ERCC4: variants seen among roughly 807,000 people sequenced by gnomAD.
The protein encoded by ERCC4 is DNA repair endonuclease XPF.
A neutral mutation model predicts 76.9 loss-of-function variants in ERCC4; 65 were observed. The ratio of observed to expected loss-of-function variants is 0.84; its 90% CI spans 0.69 to 1.04. ERCC4 has a LOEUF of 1.04. ERCC4 is among the 50% of genes least tolerant of loss of function. ERCC4 has a pLI of 0.00. For synonymous variants in ERCC4, 463 were observed against 410.1 expected (o/e 1.13, Z -1.56); for missense variants, 1,214 against 1,128.2 (o/e 1.08, Z -1.09).
chr16:13,925,411 T>C (rs1238119773), intron 2 of ERCC4, among the ~76,000 whole-genome samples: 1 of 152,212 alleles, frequency 6.6e-6, no homozygotes, highest in East Asian at 1.9e-4. Context: ...AGTAGTAAAT[T>C]AGTTATGTAC....
At chr16:13,941,699 T>A (rs1268836527) in intron 9 of ERCC4, among the ~76,000 whole-genome samples, 1 of 152,198 alleles carries the variant, frequency 6.6e-6, no homozygotes, top group Non-Finnish European at 1.5e-5. Flanking sequence ...GGACGTAAAA[T>A]GCTCCCTGGG....
At position 13,948,288 on chromosome 16, in the gene ERCC4, T is replaced by C; in HGVS notation, c.2692T>C (p.Tyr898His). ...LGNAANAKQL[Y>H]DFIHTSFAEV... ...GAATGCTGCAAATGCCAAACAGCTT[T>C]ATGATTTCATTCACACCTCTTTTGC... is the stretch of plus-strand genomic sequence containing the variant. The change falls in exon 11 of 11, where the codon TAT (tyrosine) becomes CAT (histidine). Residue 898 changes from tyrosine (Y) to histidine (H), a missense_variant. By Grantham distance (83) the Tyr-to-His change is moderately conservative. Coordinates refer to ENST00000311895, the MANE Select transcript of ERCC4 (RefSeq NM_005236.3). 2 of 1,614,036 alleles carry C rather than the reference T, an allele frequency of 1.2e-6. No homozygotes were observed. The highest frequency in any genetic ancestry group is 1.7e-6 in the Non-Finnish European group (2 of 1,180,022).
intron 2 of ERCC4, 114 bp from the exon 3 acceptor site, chr16:13,926,447 G>T (rs2032073207): frequency 5.7e-6 from 5 of 880,838 alleles, no homozygotes; most frequent in Non-Finnish European, 9.6e-6. Context: ...GTGGCTATAT[G>T]CCCAGTCTAG....
In ERCC4 at chr16:13,947,538, C is replaced by T. The variant is rs1023803804; in HGVS notation, c.2018-76C>T. On this transcript the variant is annotated intron_variant, in intron 10 of 10. Transcript: ENST00000311895. ...CATCCATCAGAGTTAACAACAGAAACATCGATTTTTAGATTTTGTTATATT... is the reference window on the plus strand; with the variant it reads ...CATCCATCAGAGTTAACAACAGAAATATCGATTTTTAGATTTTGTTATATT... 7.0e-6 allele frequency: 10 copies of T among 1,433,358 alleles called. No homozygotes were observed. In the African/African-American group the frequency reaches 1.4e-4, roughly 20 times the overall value. The allele number at this position is 1,433,358 out of a possible 1,614,324, so 88.8% of individuals were successfully genotyped here.
At chr16:13,931,960 C>T in intron 5 of ERCC4, 197 bp from the exon 6 acceptor site, 2 of 594,330 alleles carry the variant, frequency 3.4e-6, no homozygotes, top group Non-Finnish European at 6.0e-6. Context: ...ATCTTGGGGG[C>T]CCCTGGGAGT....
rs2141948531 is a variant in ERCC4 at position 13,930,805 on chromosome 16, G to A, written c.888G>A (p.Gln296=). 1 of 1,612,170 alleles carries A rather than the reference G, an allele frequency of 6.2e-7. No individual in the cohort carries two copies. Among genetic ancestry groups the A allele is most frequent in the Non-Finnish European group, 8.5e-7 (1 of 1,178,274 alleles). The change falls in exon 5 of 11, where the codon CAG becomes CAA. Residue 296 remains glutamine (Q), a synonymous_variant. Transcript: ENST00000311895. ...TGAAGATATTACGAACTTTGCTGCAGTATCTCTCTCAGTATGATTGTGTCA... is the reference window on the plus strand; with the variant it reads ...TGAAGATATTACGAACTTTGCTGCAATATCTCTCTCAGTATGATTGTGTCA... ...QDLKILRTLL[Q]YLSQYDCVTF... is the part of the protein sequence containing the mutation.
In ERCC4 at chr16:13,937,835, G is replaced by T. The variant is rs780500474; in HGVS notation, c.1881G>T (p.Lys627Asn). The change falls in exon 9 of 11, where the codon AAG becomes AAT. Residue 627 changes from lysine (K) to asparagine (N), a missense_variant. Lys to Asn is a moderately conservative substitution (Grantham distance 94). Coordinates refer to ENST00000311895, the MANE Select transcript of ERCC4 (RefSeq NM_005236.3). ...ATCTCACTGCTTTGCGGAAAGAAAAGGAAGCTTTTGAAAAACTCATAAGGT... is the reference window on the plus strand; with the variant it reads ...ATCTCACTGCTTTGCGGAAAGAAAATGAAGCTTTTGAAAAACTCATAAGGT... ...QRYLTALRKE[K>N]EAFEKLIREK... 2.5e-6 allele frequency: 4 copies of T among 1,612,614 alleles called. No individual in the cohort carries two copies. The African/African-American group carries it at 5.3e-5, about 22-fold the overall frequency.
rs200617058 is a variant in ERCC4 at position 13,935,463 on chromosome 16, G to A, written c.1531G>A (p.Glu511Lys). The change falls in exon 8 of 11, where the codon GAG (glutamate) becomes AAG (lysine). Residue 511 changes from glutamate to lysine, a missense_variant. By Grantham distance (56) the Glu-to-Lys change is moderately conservative. Coordinates refer to ENST00000311895, the MANE Select transcript of ERCC4 (RefSeq NM_005236.3). ...PEELEEEGDV[E>K]EGYRREISSS... is the part of the protein sequence containing the mutation. ...AGAACTGGAAGAGGAAGGAGATGTC[G>A]AGGAAGGATATCGTCGAGAAATAAG... is the stretch of plus-strand genomic sequence containing the variant. 5 of 1,614,192 alleles carry A rather than the reference G, an allele frequency of 3.1e-6. No individual in the cohort carries two copies. The highest frequency in any genetic ancestry group is 4.5e-5 in the East Asian group (2 of 44,890).
At chr16:13,921,962 A>C in intron 1 of ERCC4, 69 bp from the exon 2 acceptor site, 1 of 919,574 alleles carries the variant, frequency 1.1e-6, no homozygotes, top group Non-Finnish European at 1.8e-6. Context: ...ACATTATTTT[A>C]AATATCTGTG....
chr16:13,948,276 G>A lies in ERCC4; in HGVS notation c.2680G>A (p.Ala894Thr), dbSNP rs2141621464. 2 of 1,614,014 alleles carry A rather than the reference G, an allele frequency of 1.2e-6. No homozygotes were observed. Among genetic ancestry groups the A allele is most frequent in the Non-Finnish European group, 1.7e-6 (2 of 1,180,016 alleles). The change falls in exon 11 of 11, where the codon GCC becomes ACC. Residue 894 changes from alanine to threonine, a missense_variant. By Grantham distance (58) the Ala-to-Thr change is moderately conservative. Coordinates refer to ENST00000311895, the MANE Select transcript of ERCC4 (RefSeq NM_005236.3). ...LTSILGNAAN[A>T]KQLYDFIHTS... The stretch of plus-strand genomic sequence containing the variant: ...GAGTATTCTGGGGAATGCTGCAAAT[G>A]CCAAACAGCTTTATGATTTCATTCA...
At chr16:13,921,700 G>C (rs553975107) in intron 1 of ERCC4, among the ~76,000 whole-genome samples, 2 of 152,292 alleles carry the variant, frequency 1.3e-5, no homozygotes, top group Non-Finnish European at 2.9e-5. Flanking sequence ...TACAAACCTG[G>C]CTTTGGTGGG....
rs2032078374 is a variant in ERCC4, at chr16:13,926,671, A to G, written c.499A>G (p.Asn167Asp). The change falls in exon 3 of 11, where the codon AAT becomes GAT. Residue 167 changes from asparagine to aspartate, a missense_variant. Coordinates refer to ENST00000311895, the MANE Select transcript of ERCC4 (RefSeq NM_005236.3). ...KRGFIKAFTD[N>D]AVAFDTGFCH... ...TGGTTTTATTAAAGCTTTCACAGAC[A>G]ATGCTGTTGCCTTTGATACTGGTTT... The G allele has an allele frequency of 1.9e-6, 3 of 1,614,090 alleles. No homozygotes were observed. Among genetic ancestry groups the G allele is most frequent in the Non-Finnish European group, 1.7e-6 (2 of 1,179,962 alleles).
At position 13,944,785 on chromosome 16, in the gene ERCC4, T is replaced by C. The variant is rs2032483911; in HGVS notation, c.1967T>C (p.Leu656Pro). Residue 656 changes from leucine to proline, a missense_variant, in exon 10 of 11, where the codon CTA (leucine) becomes CCA (proline). By Grantham distance (98) the Leu-to-Pro change is moderately conservative. Coordinates refer to ENST00000311895, the MANE Select transcript of ERCC4 (RefSeq NM_005236.3). ...REGRDETNLD[L>P]VRGTASADVS... is the part of the protein sequence containing the mutation. ...GGCAGAGATGAAACAAACTTAGACC[T>C]AGTAAGAGGCACAGCATCTGCAGAT... is the stretch of plus-strand genomic sequence containing the variant. The C allele has an allele frequency of 6.2e-7, 1 of 1,613,912 alleles. No homozygotes were observed. Among genetic ancestry groups the C allele is most frequent in the Non-Finnish European group, 8.5e-7 (1 of 1,179,878 alleles).
chr16:13,929,491 C>T (rs2032131871), intron 4 of ERCC4, among the ~76,000 whole-genome samples: 2 of 152,140 alleles, frequency 1.3e-5, no homozygotes, highest in Non-Finnish European at 2.9e-5. Flanking sequence ...AGATTCCGTG[C>T]AATGGTACTG....
At chr16:13,941,872 G>A (rs540504407) in intron 9 of ERCC4, among the ~76,000 whole-genome samples, 2 of 152,290 alleles carry the variant, frequency 1.3e-5, no homozygotes, top group African/African-American at 4.8e-5. Flanking sequence ...GAGACTTCTA[G>A]TTCAGTGCTA....
rs898006722 is a variant in ERCC4, at chr16:13,947,678, G to A, written c.2082G>A (p.Glu694=). The change falls in exon 11 of 11, where the codon GAG becomes GAA. Residue 694 remains glutamate (E), a synonymous_variant. Coordinates refer to ENST00000311895, the MANE Select transcript of ERCC4 (RefSeq NM_005236.3). ...IVVDMREFRS[E]LPSLIHRRGI... ...TGGATATGCGTGAATTTCGAAGTGA[G>A]CTTCCATCTCTGATCCATCGTCGGG... The A allele has an allele frequency of 1.9e-6, 3 of 1,614,226 alleles. No homozygotes were observed. Among genetic ancestry groups the A allele is most frequent in the Non-Finnish European group, 2.5e-6 (3 of 1,180,034 alleles).
chr16:13,943,750 T>C (rs929981863), intron 9 of ERCC4, among the ~76,000 whole-genome samples: 2 of 151,692 alleles, frequency 1.3e-5, no homozygotes, highest in Non-Finnish European at 2.9e-5. Context: ...TTTCTTCTCA[T>C]GTTTGCTTTG....
At position 13,949,815 on chromosome 16, in the gene ERCC4, GGA is replaced by G. The variant is rs1377494623; in HGVS notation, c.*1470_*1471del. On this transcript the variant is annotated 3_prime_UTR_variant, in exon 11 of 11. Coordinates refer to ENST00000311895, the MANE Select transcript of ERCC4 (RefSeq NM_005236.3). ...AATGGGTAGTAAATTTTCTACCTCAGGAGCTGATATAGACATCAGTTCTGCTA... is the reference window on the plus strand; with the variant it reads ...AATGGGTAGTAAATTTTCTACCTCAGGCTGATATAGACATCAGTTCTGCTA... 4.3e-6 allele frequency: 1 copy of G among 232,064 alleles called. No individual in the cohort carries two copies. The highest frequency in any genetic ancestry group is 8.5e-6 in the Non-Finnish European group (1 of 117,466). 14.4% of individuals were successfully genotyped at this position (232,064 alleles called of 1,614,324 possible).
chr16:13,934,791 C>A, intron 7 of ERCC4: 1 of 249,792 alleles, frequency 4.0e-6, no homozygotes, highest in Non-Finnish European at 7.9e-6. Context: ...AGGAGACTAA[C>A]ACAATTCACA....
Sources: allele counts gnomAD v4.1 joint callset (sites outside exome capture counted in the v4.1 genomes callset), GRCh38; gene constraint gnomAD v4.1.1; transcripts MANE v1.5; gene names NCBI Gene and HGNC (gene_info 2026-07-23, HGNC 2026-07-21).